PIWIL3: variants seen among roughly 807,000 people sequenced by gnomAD.
PIWIL3 encodes piwi like RNA-mediated gene silencing 3, also known as piwi-like protein 3.
Under a neutral mutation model 109.7 loss-of-function variants are expected in PIWIL3, and 101 were observed. The ratio of observed to expected loss-of-function variants is 0.92; its 90% CI spans 0.78 to 1.09. PIWIL3 has a LOEUF of 1.09. Ranked by LOEUF, PIWIL3 falls within the 50% of genes least tolerant of loss-of-function variation. PIWIL3 has a pLI of 0.00. For missense variants in PIWIL3, 1,031 were observed against 1,072.6 expected, an observed-to-expected ratio of 0.96 and a Z score of 0.54; for synonymous variants, 373 against 376.4, an observed-to-expected ratio of 0.99 and a Z score of 0.10.
intron 2 of PIWIL3, 105 bp from the exon 3 acceptor site, chr22:24,760,094 G>T (rs1417647110): frequency 6.9e-7 from 1 of 1,449,982 alleles, no homozygotes; most frequent in Non-Finnish European, 9.4e-7. Context: ...CCTCTGAAAA[G>T]CTCACATTCC....
Position 24,734,118 on chromosome 22 carries a change from G to A in PIWIL3, c.1673C>T (p.Thr558Ile), listed in dbSNP as rs144875662. ...TGTTGGTCTAGTATATTTCCGTAATGTGTCTATATAGGAGTTAGCATCACC... is the reference window on the plus strand; with the variant it reads ...TGTTGGTCTAGTATATTTCCGTAATATGTCTATATAGGAGTTAGCATCACC... Reference protein sequence around the residue: ...VDGDANSYIDTLRKYTRPTLQ... With the variant: ...VDGDANSYIDILRKYTRPTLQ... Residue 558 changes from threonine (T) to isoleucine (I), a missense_variant, in exon 14 of 21, where the codon ACA (threonine) becomes ATA (isoleucine). Coordinates refer to ENST00000616349, the MANE Select transcript of PIWIL3 (RefSeq NM_001255975.1). 3.1e-6 allele frequency: 5 copies of A among 1,612,914 alleles called. No homozygotes were observed. The highest frequency in any genetic ancestry group is 4.2e-6 in the Non-Finnish European group (5 of 1,179,606).
chr22:24,769,435 A>AC (rs1482403212), intron 1 of PIWIL3, among the ~76,000 whole-genome samples: 1 of 151,900 alleles, frequency 6.6e-6, no homozygotes, highest in South Asian at 2.1e-4. Context: ...ACATGGTGAA[A>AC]CCCCCTCTCT....
At chr22:24,745,717 G>GAAAAAAAAAAAAAAAAAAAAAAAAAAAA (rs71189273) in intron 12 of PIWIL3, among the ~76,000 whole-genome samples, 1 of 80,250 alleles carries the variant, frequency 1.2e-5, no homozygotes, top group Non-Finnish European at 2.5e-5. Flanking sequence ...GTCAGACTAA[G>GAAAAAAAAAAAAAAAAAAAAAAAAAAAA]AAAAAAAAAA....
At chr22:24,762,094 G>T (rs940394378) in intron 2 of PIWIL3, 2 of 929,226 alleles carry the variant, frequency 2.2e-6, no homozygotes, top group Admixed American at 5.1e-5. Context: ...TGCTCATTTT[G>T]GGTCACTTCC....
chr22:24,754,736 T>C (rs1924919790), intron 7 of PIWIL3, 48 bp downstream of exon 7: 1 of 1,431,962 alleles, frequency 7.0e-7, no homozygotes, highest in African/African-American at 1.4e-5. Flanking sequence ...TCTCAAAAAA[T>C]CCTACGTTTA....
In PIWIL3 at chr22:24,728,176, C is replaced by A; in HGVS notation, c.1905+1G>T. On this transcript the variant is annotated splice_donor_variant, in intron 15 of 20. Transcript: ENST00000616349. LOFTEE classifies it high-confidence loss of function. ...AACGAAGTCAGTGAAATACAACATA[C>A]GTCTGTCTCCACCTTCCAGAGGGCT... The A allele has an allele frequency of 1.2e-6, 2 of 1,613,834 alleles. No homozygotes were observed. The highest frequency in any genetic ancestry group is 1.7e-6 in the Non-Finnish European group (2 of 1,179,726).
Position 24,754,037 on chromosome 22 carries a change from T to C in PIWIL3, c.954A>G (p.Leu318=), listed in dbSNP as rs923676705. ...GNIREEVTNK[L]IGSIVLTKYN... is the part of the protein sequence containing the mutation. Reference sequence around the variant, plus strand: ...ACTTTGTCAGAACAATTGATCCAATTAATTTATTAGTTACTTCCTCTCGGA... The same window carrying C: ...ACTTTGTCAGAACAATTGATCCAATCAATTTATTAGTTACTTCCTCTCGGA... Residue 318 remains leucine, a synonymous_variant, in exon 8 of 21, where the codon TTA becomes TTG. Coordinates refer to ENST00000616349, the MANE Select transcript of PIWIL3 (RefSeq NM_001255975.1). 30 of 1,609,432 alleles carry C rather than the reference T, an allele frequency of 1.9e-5. No individual in the cohort carries two copies. The highest frequency in any genetic ancestry group is 2.4e-5 in the Non-Finnish European group (28 of 1,175,892).
chr22:24,720,261 T>TG (rs1569093620), intron 19 of PIWIL3, among the ~76,000 whole-genome samples: 13 of 21,416 alleles, frequency 6.1e-4, no homozygotes, highest in South Asian at 3.5e-3. Flanking sequence ...TTTAAACTGT[T>TG]TTTTTTTTTT....
Position 24,733,782 on chromosome 22 carries a change from C to G in PIWIL3, c.1707+302G>C, listed in dbSNP as rs114736476. ...TCACAGACTTGGCAGGTTACACCTGCGGGTAAAAGTAATGAATGTGATTAT... is the reference window on the plus strand; with the variant it reads ...TCACAGACTTGGCAGGTTACACCTGGGGGTAAAAGTAATGAATGTGATTAT... On this transcript the variant is annotated intron_variant, in intron 14 of 20. Transcript: ENST00000616349. Among the ~76,000 whole-genome samples the G allele has an allele frequency of 3.8e-3, 582 of 152,060 alleles. 4 individuals are homozygous for G. Among genetic ancestry groups the G allele is most frequent in the African/African-American group, 0.013 (547 of 41,466 alleles).
intron 12 of PIWIL3, among the ~76,000 whole-genome samples, chr22:24,737,160 G>A (rs1003457076): frequency 5.3e-5 from 8 of 152,190 alleles, no homozygotes; most frequent in Admixed American, 5.2e-4. Context: ...TGGCAGCACA[G>A]CTCAAAGCTC....
intron 18 of PIWIL3, 67 bp downstream of exon 18, chr22:24,724,820 C>T: frequency 6.6e-7 from 1 of 1,524,964 alleles, no homozygotes; most frequent in Non-Finnish European, 8.9e-7. Flanking sequence ...GATCTGCCCA[C>T]CTTAACCTTC....
At chr22:24,721,378 A>C (rs8142012) in intron 19 of PIWIL3, among the ~76,000 whole-genome samples, 118 of 152,096 alleles carry the variant, frequency 7.8e-4, no homozygotes, top group African/African-American at 2.7e-3. Context: ...ACTTTTATTG[A>C]TTTTTGCTCA....
At chr22:24,740,131 T>C (rs1923904131) in intron 12 of PIWIL3, among the ~76,000 whole-genome samples, 1 of 144,884 alleles carries the variant, frequency 6.9e-6, no homozygotes. Flanking sequence ...AGGCAGAGAA[T>C]TGCTTGAACC....
At chr22:24,722,023 A>G (rs1189624066) in intron 19 of PIWIL3, among the ~76,000 whole-genome samples, 1 of 152,236 alleles carries the variant, frequency 6.6e-6, no homozygotes, top group South Asian at 2.1e-4. Flanking sequence ...TTCTTAGGAT[A>G]AGTGTCATAC....
chr22:24,760,185 C>A (rs1925338199), intron 2 of PIWIL3, among the ~76,000 whole-genome samples, 196 bp from the exon 3 acceptor site: 1 of 152,032 alleles, frequency 6.6e-6, no homozygotes, highest in African/African-American at 2.4e-5. Flanking sequence ...AAAAAAAGGA[C>A]AAAACAAACC....
intron 14 of PIWIL3, among the ~76,000 whole-genome samples, chr22:24,732,784 G>C (rs531467588): frequency 2.6e-5 from 4 of 152,096 alleles, no homozygotes; most frequent in East Asian, 1.9e-4. Context: ...CGCCACTGCA[G>C]TCCAGCCTGG....
In PIWIL3 at chr22:24,719,557, T is replaced by C. The variant is rs115937238; in HGVS notation, c.2537A>G (p.Tyr846Cys). 7.5e-4 allele frequency: 1,207 copies of C among 1,604,764 alleles called. 9 individuals carry two copies. The African/African-American group carries it at 0.014, about 19-fold the overall frequency. ...GIIRVPAPCH[Y>C]AHKLAYLVGQ... is the part of the protein sequence containing the mutation. ...CACGAGGTAAGCCAGCTTGTGGGCA[T>C]AGTGGCAAGGCGCTGGAACTCGGAT... The change falls in exon 21 of 21, where the codon TAT (tyrosine) becomes TGT (cysteine). Residue 846 changes from tyrosine (Y) to cysteine (C), a missense_variant. Physicochemically the swap from Tyr to Cys is radical, Grantham distance 194 (BLOSUM62 -2). Coordinates refer to ENST00000616349, the MANE Select transcript of PIWIL3 (RefSeq NM_001255975.1).
At chr22:24,728,749 A>G (rs1923149727) in intron 14 of PIWIL3, among the ~76,000 whole-genome samples, 1 of 152,200 alleles carries the variant, frequency 6.6e-6, no homozygotes, top group South Asian at 2.1e-4. Flanking sequence ...AATTACATCA[A>G]TTGCTTAAGC....
Position 24,754,059 on chromosome 22 carries a change from C to T in PIWIL3, c.932G>A (p.Arg311Gln), listed in dbSNP as rs199974131. ...AATTAATTTATTAGTTACTTCCTCT[C>T]GGATGTTTCCTGTCTGGGCCTGGGC... Reference protein sequence around the residue: ...TSAQAQTGNIREEVTNKLIGS... With the variant: ...TSAQAQTGNIQEEVTNKLIGS... The change falls in exon 8 of 21, where the codon CGA becomes CAA. Residue 311 changes from arginine (R) to glutamine (Q), a missense_variant. Arg to Gln is a conservative substitution (Grantham distance 43, BLOSUM62 1). Transcript: ENST00000616349. The T allele has an allele frequency of 2.5e-4, 409 of 1,612,328 alleles. 2 individuals are homozygous for T. Among genetic ancestry groups the T allele is most frequent in the South Asian group, 2.5e-3 (226 of 91,032 alleles).
Sources: gnomAD v4.1 joint callset for allele counts (sites outside exome capture counted in the v4.1 genomes callset) on GRCh38, gnomAD v4.1.1 for gene constraint, MANE v1.5 for transcripts, NCBI Gene and HGNC (gene_info 2026-07-23, HGNC 2026-07-21) for gene names.